The following FRMD4A variants were observed in gnomAD, a reference collection of about 807,000 sequenced individuals.
FRMD4A encodes FERM domain containing 4A, also known as FERM domain-containing protein 4A.
Under a neutral mutation model 129.1 loss-of-function variants are expected in FRMD4A, and 29 were observed. That is an observed-to-expected ratio of 0.22 (90% CI 0.17 to 0.31). FRMD4A has a LOEUF of 0.31. Ranked by LOEUF, FRMD4A falls within the 10% of genes least tolerant of loss-of-function variation. The pLI is 1.00. For synonymous variants in FRMD4A, 634 were observed against 571.6 expected (o/e 1.11, Z -1.56); for missense variants, 1,272 against 1,375.8 (o/e 0.92, Z 1.19).
chr10:13,740,623 A>G (rs2090934153), intron 9 of FRMD4A, 46 bp from the exon 10 acceptor site: 2 of 968,204 alleles, frequency 2.1e-6, no homozygotes, highest in Non-Finnish European at 3.3e-6. Context: ...CTCTAGGTCA[A>G]CAGCCAAGCT....
intron 2 of FRMD4A, among the ~76,000 whole-genome samples, chr10:13,954,539 A>G (rs1201073820): frequency 1.3e-5 from 2 of 152,172 alleles, no homozygotes; most frequent in African/African-American, 4.8e-5. Context: ...ACAATTCAAG[A>G]TGAGATTTGG....
At chr10:14,144,666 T>C (rs1349928777) in intron 2 of FRMD4A, among the ~76,000 whole-genome samples, 2 of 152,086 alleles carry the variant, frequency 1.3e-5, no homozygotes, top group East Asian at 1.9e-4. Context: ...CATGCTGGGG[T>C]GCCATCTGGG....
chr10:14,277,152 G>T (rs900696767), intron 2 of FRMD4A, among the ~76,000 whole-genome samples: 2 of 152,164 alleles, frequency 1.3e-5, no homozygotes, highest in African/African-American at 2.4e-5. Context: ...GTGAGCCACG[G>T]TGCCTGGCCC....
At chr10:13,982,286 C>T (rs895142366) in intron 2 of FRMD4A, among the ~76,000 whole-genome samples, 3 of 151,892 alleles carry the variant, frequency 2.0e-5, no homozygotes, top group South Asian at 4.2e-4. Flanking sequence ...GAGTTCGAGG[C>T]CACCCTGGGC....
chr10:14,164,500 C>T (rs1431127027), intron 2 of FRMD4A, among the ~76,000 whole-genome samples: 2 of 152,204 alleles, frequency 1.3e-5, no homozygotes, highest in African/African-American at 4.8e-5. Context: ...AATACATGAA[C>T]TTGTGGGTTA....
intron 2 of FRMD4A, among the ~76,000 whole-genome samples, chr10:13,914,981 T>C (rs2094984127): frequency 6.6e-6 from 1 of 152,076 alleles, no homozygotes; most frequent in Admixed American, 6.5e-5. Context: ...ACCACTGCAC[T>C]CCAGCCTGGG....
At chr10:14,219,393 C>A (rs937312535) in intron 2 of FRMD4A, among the ~76,000 whole-genome samples, 1 of 152,164 alleles carries the variant, frequency 6.6e-6, no homozygotes, top group African/African-American at 2.4e-5. Flanking sequence ...AATCCACAAC[C>A]TCCCACAAAT....
intron 12 of FRMD4A, among the ~76,000 whole-genome samples, chr10:13,718,820 A>G (rs2089132083): frequency 6.6e-6 from 1 of 152,174 alleles, no homozygotes; most frequent in Non-Finnish European, 1.5e-5. Context: ...ATTCATACAC[A>G]TACCTCTGCC....
Position 13,810,828 on chromosome 10 carries a change from T to C in FRMD4A, c.192A>G (p.Ala64=), listed in dbSNP as rs373759619. The C allele has an allele frequency of 6.4e-6, 10 of 1,572,966 alleles. No individual in the cohort carries two copies. The highest frequency in any genetic ancestry group is 7.9e-6 in the Non-Finnish European group (9 of 1,143,178). Residue 64 remains alanine (A), a synonymous_variant, in exon 4 of 25, where the codon GCA becomes GCG. Coordinates refer to ENST00000357447, the MANE Select transcript of FRMD4A (RefSeq NM_018027.5). ...NLKEKEYFGI[A]FTDETGHLNW... is the part of the protein sequence containing the mutation. ...GCAGTACTTACGTTTCATCTGTGAA[T>C]GCTATTCCAAAGTACTCCTTTTCCT... is the stretch of plus-strand genomic sequence containing the variant.
intron 2 of FRMD4A, among the ~76,000 whole-genome samples, chr10:14,104,249 C>A (rs921332423): frequency 1.3e-5 from 2 of 152,034 alleles, no homozygotes; most frequent in African/African-American, 4.8e-5. Flanking sequence ...ATCGAGTTTA[C>A]ACTGCCATGG....
intron 2 of FRMD4A, among the ~76,000 whole-genome samples, chr10:14,077,336 T>A (rs980044736): frequency 6.6e-6 from 1 of 152,210 alleles, no homozygotes; most frequent in African/African-American, 2.4e-5. Context: ...AGTTTCTTCA[T>A]TTGTCACTCG....
intron 15 of FRMD4A, among the ~76,000 whole-genome samples, chr10:13,688,755 A>G (rs1589383487): frequency 6.6e-6 from 1 of 152,062 alleles, no homozygotes; most frequent in Admixed American, 6.6e-5. Flanking sequence ...GCTCTGTCTC[A>G]CAGGCTGGAA....
intron 2 of FRMD4A, among the ~76,000 whole-genome samples, chr10:14,130,542 G>C (rs1839190538): frequency 6.6e-6 from 1 of 152,218 alleles, no homozygotes; most frequent in Admixed American, 6.5e-5. Flanking sequence ...CGAGCCATCA[G>C]ACCCAGCCCA....
intron 2 of FRMD4A, among the ~76,000 whole-genome samples, chr10:14,315,960 T>C (rs1376429643): frequency 6.6e-6 from 1 of 152,210 alleles, no homozygotes; most frequent in African/African-American, 2.4e-5. Context: ...ATAGTCCACA[T>C]ACTGATCTCC....
At chr10:14,256,186 G>T (rs533955008) in intron 2 of FRMD4A, among the ~76,000 whole-genome samples, 1 of 151,652 alleles carries the variant, frequency 6.6e-6, no homozygotes, top group African/African-American at 2.4e-5. Flanking sequence ...TATAATAGAC[G>T]GCAATAATTG....
chr10:14,040,785 G>A (rs893122844), intron 2 of FRMD4A, among the ~76,000 whole-genome samples: 11 of 152,176 alleles, frequency 7.2e-5, no homozygotes, highest in African/African-American at 1.9e-4. Context: ...GAAATAAGAC[G>A]GAGACGCCAG....
At chr10:13,996,007 T>G (rs1304355336) in intron 2 of FRMD4A, among the ~76,000 whole-genome samples, 1 of 152,162 alleles carries the variant, frequency 6.6e-6, no homozygotes, top group Non-Finnish European at 1.5e-5. Context: ...AGAAGTTTAT[T>G]GCTCATAGTT....
At chr10:14,010,183 C>T (rs570746423) in intron 2 of FRMD4A, among the ~76,000 whole-genome samples, 1 of 152,144 alleles carries the variant, frequency 6.6e-6, no homozygotes, top group Non-Finnish European at 1.5e-5. Context: ...CAGGCCAGGG[C>T]AAAGCCCCGG....
chr10:13,702,934 C>G lies in FRMD4A; in HGVS notation c.837-1456G>C, dbSNP rs368079666. Among the ~76,000 whole-genome samples the G allele has an allele frequency of 3.8e-3, 549 of 142,778 alleles. 3 individuals are homozygous for G. The highest frequency in any genetic ancestry group is 0.013 in the African/African-American group (518 of 38,912). 93.7% of individuals were successfully genotyped at this position (142,778 alleles called of 152,430 possible). ...GAAGGAAAAAAAAAAAAAAAAAAGC[C>G]AGAGCGTGAAAGAGCACACAGTTGA... On this transcript the variant is annotated intron_variant, in intron 13 of 24. Transcript: ENST00000357447.
Sources: gnomAD v4.1 joint callset for allele counts (sites outside exome capture counted in the v4.1 genomes callset) on GRCh38, gnomAD v4.1.1 for gene constraint, MANE v1.5 for transcripts, NCBI Gene and HGNC (gene_info 2026-07-23, HGNC 2026-07-21) for gene names.